TULP4: variants seen among roughly 807,000 people sequenced by gnomAD.
TULP4 encodes TUB like protein 4, also known as tubby-related protein 4.
In TULP4, 16 loss-of-function variants were observed where a neutral mutation model predicts 129.0. The ratio of observed to expected loss-of-function variants is 0.12; its 90% confidence interval spans 0.08 to 0.19. The LOEUF is 0.19. Among genes scored for constraint, TULP4 ranks in the 10% least tolerant of loss-of-function variants. The pLI, the probability that TULP4 is intolerant of heterozygous loss-of-function variation, is 1.00. For missense variants in TULP4, 1,842 were observed against 2,059.1 expected (o/e 0.89, Z 2.04); for synonymous variants, 998 against 854.0 (o/e 1.17, Z -2.94).
intron 1 of TULP4, 117 bp downstream of exon 1, chr6:158,314,385 C>A (rs1040407275): frequency 8.0e-7 from 1 of 1,250,860 alleles, no homozygotes. Flanking sequence ...TGAGACTTCC[C>A]ATGCTGTGAG....
intron 1 of TULP4, among the ~76,000 whole-genome samples, chr6:158,333,954 A>G (rs1405441425): frequency 6.6e-6 from 1 of 152,224 alleles, no homozygotes; most frequent in Non-Finnish European, 1.5e-5. Flanking sequence ...TGTAGTATGT[A>G]CTACACTACT....
intron 1 of TULP4, among the ~76,000 whole-genome samples, chr6:158,321,871 T>G (rs1779645066): frequency 6.6e-6 from 1 of 152,248 alleles, no homozygotes; most frequent in African/African-American, 2.4e-5. Flanking sequence ...CTTTTCTTTT[T>G]CCTAAAAACA....
intron 3 of TULP4, 79 bp downstream of exon 3, chr6:158,429,976 A>G: frequency 7.4e-7 from 1 of 1,359,704 alleles, no homozygotes; most frequent in East Asian, 2.6e-5. Flanking sequence ...AGGAGAGGGG[A>G]GCTGGTGCAA....
At chr6:158,385,840 A>ATTTTTTTTTTTTTTTTTTTTTTTTT (rs1397821107) in intron 1 of TULP4, among the ~76,000 whole-genome samples, 2 of 34,026 alleles carry the variant, frequency 5.9e-5, no homozygotes, top group Non-Finnish European at 6.7e-5. Flanking sequence ...AATGTGGAAT[A>ATTTTTTTTTTTTTTTTTTTTTTTTT]TCTTTTTTTT....
chr6:158,308,313 TG>T (rs1226340041), upstream of TULP4, among the ~76,000 whole-genome samples: 2 of 151,568 alleles, frequency 1.3e-5, no homozygotes, highest in Admixed American at 6.6e-5. Context: ...AGCACAGGGT[TG>T]GGGGTAAGGT....
chr6:158,285,198 C>T (rs763344345), intron 1 of TULP4, among the ~76,000 whole-genome samples: 2 of 151,976 alleles, frequency 1.3e-5, no homozygotes, highest in African/African-American at 4.8e-5. Flanking sequence ...TTTATGTTAG[C>T]TTTATGTTGT....
intron 1 of TULP4, among the ~76,000 whole-genome samples, chr6:158,259,621 G>C (rs1433692820): frequency 6.6e-6 from 1 of 152,154 alleles, no homozygotes; most frequent in Non-Finnish European, 1.5e-5. Context: ...ACACCAGCTT[G>C]GTGTCACTTC....
intron 1 of TULP4, among the ~76,000 whole-genome samples, chr6:158,350,992 A>G (rs146445988): frequency 0.012 from 1,804 of 152,154 alleles, 39 homozygotes; most frequent in African/African-American, 0.04. Context: ...GACCTCAGGC[A>G]GTTCACCTGC....
chr6:158,309,937 G>A (rs1779312829), upstream of TULP4, among the ~76,000 whole-genome samples: 1 of 149,356 alleles, frequency 6.7e-6, no homozygotes, highest in Non-Finnish European at 1.5e-5. Flanking sequence ...AGGGGGAGAG[G>A]GAGAGGGAGC....
At chr6:158,377,867 C>T (rs1777229073) in intron 1 of TULP4, among the ~76,000 whole-genome samples, 1 of 152,156 alleles carries the variant, frequency 6.6e-6, no homozygotes. Context: ...AAACACAGTA[C>T]TTAAAACAAC....
chr6:158,492,677 A>G (rs370746978), intron 9 of TULP4, among the ~76,000 whole-genome samples: 1 of 152,140 alleles, frequency 6.6e-6, no homozygotes, highest in Non-Finnish European at 1.5e-5. Context: ...GTCCCACATC[A>G]TAGCTTTAGG....
chr6:158,238,924 T>A (rs1164196956), intron 1 of TULP4, among the ~76,000 whole-genome samples: 1 of 128,724 alleles, frequency 7.8e-6, no homozygotes, highest in Non-Finnish European at 1.7e-5. Context: ...TCCTGGCCCG[T>A]TCTCAATGAG....
At chr6:158,277,451 A>G (rs1778667575), upstream of TULP4, among the ~76,000 whole-genome samples, 1 of 152,206 alleles carries the variant, frequency 6.6e-6, no homozygotes, top group Non-Finnish European at 1.5e-5. Context: ...TTATGACATT[A>G]CTTCTCTAGA....
At chr6:158,469,703 C>T (rs1299822264) in intron 6 of TULP4, among the ~76,000 whole-genome samples, 1 of 151,568 alleles carries the variant, frequency 6.6e-6, no homozygotes, top group Non-Finnish European at 1.5e-5. Context: ...CACATGGAGG[C>T]CATAGTTGGA....
chr6:158,446,083 G>A (rs1185483612), intron 3 of TULP4, among the ~76,000 whole-genome samples: 3 of 152,180 alleles, frequency 2.0e-5, no homozygotes, highest in African/African-American at 7.2e-5. Context: ...ATGTGTATTC[G>A]TTATTATTAG....
intron 1 of TULP4, among the ~76,000 whole-genome samples, chr6:158,409,580 G>A (rs1300161372): frequency 1.3e-5 from 2 of 152,166 alleles, no homozygotes; most frequent in Non-Finnish European, 2.9e-5. Flanking sequence ...CAACATTCTG[G>A]TGTGTCCTAA....
intron 1 of TULP4, among the ~76,000 whole-genome samples, chr6:158,380,619 G>A (rs934103347): frequency 3.3e-5 from 5 of 152,144 alleles, no homozygotes; most frequent in Non-Finnish European, 5.9e-5. Flanking sequence ...AGGAGGCCAG[G>A]CATGGTGGCT....
chr6:158,462,628 C>G (rs1779457849), intron 6 of TULP4, among the ~76,000 whole-genome samples: 1 of 151,936 alleles, frequency 6.6e-6, no homozygotes. Context: ...CCGCCTCGGC[C>G]TCCCAAGATG....
intron 1 of TULP4, among the ~76,000 whole-genome samples, chr6:158,362,399 G>A (rs930697900): frequency 1.3e-5 from 2 of 152,058 alleles, no homozygotes. Flanking sequence ...GCCCAGGCTG[G>A]AGTGCAGTGA....
Sources: gnomAD v4.1 joint callset for allele counts (sites outside exome capture counted in the v4.1 genomes callset) on GRCh38, gnomAD v4.1.1 for gene constraint, MANE v1.5 for transcripts, NCBI Gene and HGNC (gene_info 2026-07-23, HGNC 2026-07-21) for gene names.